Variants in MRPS10 observed in about 807,000 individuals in gnomAD.
MRPS10 encodes mitochondrial ribosomal protein S10, also known as small ribosomal subunit protein uS10m.
In MRPS10, 23 loss-of-function variants were observed where a neutral mutation model predicts 27.5. The ratio of observed to expected loss-of-function variants is 0.84; its 90% confidence interval spans 0.60 to 1.18. The LOEUF is 1.18. Among genes scored for constraint, MRPS10 ranks in the 50% most tolerant of loss-of-function variants. The pLI, the probability that MRPS10 is intolerant of heterozygous loss-of-function variation, is 0.00. For synonymous variants in MRPS10, 88 were observed against 84.2 expected, an observed-to-expected ratio of 1.04 and a Z score of -0.25; for missense variants, 237 against 240.1, an observed-to-expected ratio of 0.99 and a Z score of 0.09.
chr6:42,209,370 A>AT (rs1768704784), intron 5 of MRPS10, among the ~76,000 whole-genome samples: 2 of 152,182 alleles, frequency 1.3e-5, no homozygotes, highest in Non-Finnish European at 1.5e-5. Flanking sequence ...ATTATAAGAT[A>AT]TAGTTAATAT....
intron 1 of MRPS10, among the ~76,000 whole-genome samples, chr6:42,216,368 G>GAA (rs1328572002): frequency 2.0e-5 from 2 of 97,836 alleles, no homozygotes; most frequent in African/African-American, 7.2e-5. Context: ...TTGAGAGAGA[G>GAA]AGAGAGAGAG....
At chr6:42,216,024 TTC>T (rs1210373152) in intron 1 of MRPS10, among the ~76,000 whole-genome samples, 3 of 21,472 alleles carry the variant, frequency 1.4e-4, no homozygotes, top group African/African-American at 2.0e-4. Flanking sequence ...TTTTTTTCTT[TTC>T]TTTTTTTTTT....
At chr6:42,216,026 C>CTT (rs34985131) in intron 1 of MRPS10, among the ~76,000 whole-genome samples, 7,384 of 56,772 alleles carry the variant, frequency 0.13, 361 homozygotes, top group South Asian at 0.24. Context: ...TTTTTCTTTT[C>CTT]TTTTTTTTTT....
intron 1 of MRPS10, among the ~76,000 whole-genome samples, chr6:42,215,418 C>G (rs1221862557): frequency 1.3e-5 from 2 of 148,664 alleles, no homozygotes; most frequent in Non-Finnish European, 3.0e-5. Flanking sequence ...TGATTGTCAC[C>G]TAAGTACGTT....
In MRPS10 at chr6:42,206,825, C is replaced by T. The variant is rs1768605783; in HGVS notation, c.*1464G>A. 1 of 152,096 alleles carries T rather than the reference C, an allele frequency of 6.6e-6. No individual in the cohort carries two copies. The highest frequency in any genetic ancestry group is 6.6e-5 in the Admixed American group (1 of 15,266). The allele number at this position is 152,096 out of a possible 1,614,324, so 9.4% of individuals were successfully genotyped here. ...CTGAAGGTCATGGGGCACAAAGCTG[C>T]AATTCTTTTAATGGTGATGACAGTA... is the stretch of plus-strand genomic sequence containing the variant. On this transcript the variant is annotated 3_prime_UTR_variant, in exon 7 of 7. Transcript: ENST00000053468.
At chr6:42,216,799 G>A (rs966316237) in intron 1 of MRPS10, among the ~76,000 whole-genome samples, 4 of 152,082 alleles carry the variant, frequency 2.6e-5, no homozygotes, top group South Asian at 2.1e-4. Flanking sequence ...CGACAAGAGC[G>A]AAACTCCGTC....
At chr6:42,211,540 G>A (rs1048818520) in intron 4 of MRPS10, among the ~76,000 whole-genome samples, 6 of 152,054 alleles carry the variant, frequency 3.9e-5, no homozygotes, top group African/African-American at 1.4e-4. Flanking sequence ...AATTAGCCAG[G>A]CGTGGTGGCA....
intron 3 of MRPS10, among the ~76,000 whole-genome samples, chr6:42,212,161 C>T (rs1381044124): frequency 2.0e-5 from 3 of 152,170 alleles, no homozygotes; most frequent in Non-Finnish European, 4.4e-5. Context: ...CACAAAATTA[C>T]TAAAGGAACT....
intron 5 of MRPS10, 67 bp downstream of exon 5, chr6:42,210,416 TTAAAG>T (rs1768743185): frequency 4.6e-6 from 3 of 653,246 alleles, no homozygotes; most frequent in Admixed American, 3.7e-5. Context: ...CTAGTCAATG[TTAAAG>T]TAAAGTTATA....
At chr6:42,208,552 C>T (rs1562070860) in intron 6 of MRPS10, among the ~76,000 whole-genome samples, 180 bp from the exon 7 acceptor site, 2 of 152,196 alleles carry the variant, frequency 1.3e-5, no homozygotes, top group Non-Finnish European at 2.9e-5. Flanking sequence ...CTCTCACATA[C>T]ATAATCGATT....
At chr6:42,214,241 C>T in intron 2 of MRPS10, 39 bp downstream of exon 2, 11 of 1,607,546 alleles carry the variant, frequency 6.8e-6, no homozygotes, top group Non-Finnish European at 8.5e-6. Context: ...GCACAAGAAC[C>T]TATTTTGTTC....
intron 4 of MRPS10, 41 bp downstream of exon 4, chr6:42,211,740 T>C (rs770803923): frequency 1.9e-6 from 3 of 1,578,870 alleles, no homozygotes; most frequent in Non-Finnish European, 8.6e-7. Context: ...TTGATCATAT[T>C]ACAGCAGCGA....
chr6:42,215,529 T>C (rs1354999179), intron 1 of MRPS10, among the ~76,000 whole-genome samples: 1 of 151,874 alleles, frequency 6.6e-6, no homozygotes, highest in African/African-American at 2.4e-5. Flanking sequence ...CAGGTTCAGG[T>C]GGTCCTCCCA....
chr6:42,211,939 T>G lies in MRPS10; in HGVS notation c.187-22A>C. The G allele has an allele frequency of 5.0e-6, 8 of 1,602,256 alleles. No homozygotes were observed. The South Asian group carries it at 9.0e-5, about 18-fold the overall frequency. ...TTACCTAAAATCCAAAAGAAAAGTT[T>G]CAGTTTTAGTTCCTCTTCTATTTCT... On this transcript the variant is annotated intron_variant, in intron 3 of 6. Transcript: ENST00000053468.
intron 1 of MRPS10, among the ~76,000 whole-genome samples, chr6:42,215,220 C>T (rs13192917): frequency 3.3e-5 from 5 of 151,874 alleles, no homozygotes; most frequent in Non-Finnish European, 4.4e-5. Context: ...GAAACCCTGT[C>T]TCTACTAAAA....
Position 42,208,287 on chromosome 6 carries a change from C to G in MRPS10, c.*2G>C. 1 of 1,610,272 alleles carries G rather than the reference C, an allele frequency of 6.2e-7. No homozygotes were observed. Among genetic ancestry groups the G allele is most frequent in the Middle Eastern group, 1.9e-4 (1 of 5,210 alleles). On this transcript the variant is annotated 3_prime_UTR_variant, in exon 7 of 7. Transcript: ENST00000053468. ...TTAGGCAAAAATGGCCTCCCTGAGG[C>G]TTTATGACTTGCTTTCTTCTTTTTC... is the stretch of plus-strand genomic sequence containing the variant.
intron 1 of MRPS10, among the ~76,000 whole-genome samples, chr6:42,214,819 A>G (rs1768875620): frequency 1.3e-5 from 2 of 152,206 alleles, no homozygotes; most frequent in Admixed American, 6.5e-5. Context: ...TAAAGCATAC[A>G]TATTTCTTAG....
chr6:42,214,970 T>C (rs1385775999), intron 1 of MRPS10, among the ~76,000 whole-genome samples: 1 of 152,196 alleles, frequency 6.6e-6, no homozygotes, highest in Non-Finnish European at 1.5e-5. Flanking sequence ...AACAAGACTT[T>C]CCAGTTTTAG....
intron 1 of MRPS10, among the ~76,000 whole-genome samples, chr6:42,216,252 G>A (rs1768928201): frequency 6.6e-6 from 1 of 151,136 alleles, no homozygotes; most frequent in Admixed American, 6.6e-5. Context: ...TTGATCTCCT[G>A]ATCTCGTGAT....
Sources: allele counts gnomAD v4.1 joint callset (sites outside exome capture counted in the v4.1 genomes callset), GRCh38; gene constraint gnomAD v4.1.1; transcripts MANE v1.5; gene names NCBI Gene and HGNC (gene_info 2026-07-23, HGNC 2026-07-21).